The following SPHKAP variants were observed in gnomAD, a reference collection of about 807,000 sequenced individuals.
SPHKAP encodes SPHK1 interactor, AKAP domain containing, also known as A-kinase anchor protein SPHKAP.
SPHKAP carries 67 observed loss-of-function variants against 137.5 expected under a neutral mutation model. That is an observed-to-expected ratio of 0.49 (90% CI 0.40 to 0.60). The LOEUF is 0.60. Among genes scored for constraint, SPHKAP ranks in the 20% least tolerant of loss-of-function variants. The pLI is 0.00. For synonymous variants in SPHKAP, 813 were observed against 785.3 expected (o/e 1.04, Z -0.59); for missense variants, 2,097 against 2,069.3 (o/e 1.01, Z -0.26).
chr2:227,983,554 A>C lies in SPHKAP; in HGVS notation c.4960-1694T>G, dbSNP rs1574705050. ...CGTGCCTGCACATAGTAGGTGCTCC[A>C]TGCATATTTGCTGAATGACAGAAGG... is the stretch of plus-strand genomic sequence containing the variant. On this transcript the variant is annotated intron_variant, in intron 11 of 11. Transcript: ENST00000392056. 2.0e-5 allele frequency among the ~76,000 whole-genome samples: 3 copies of C among 152,312 alleles called. No individual in the cohort carries two copies. In the South Asian group the frequency reaches 6.2e-4, roughly 32 times the overall value.
At chr2:227,996,082 T>C (rs1168088591) in intron 7 of SPHKAP, 1 of 983,084 alleles carries the variant, frequency 1.0e-6, no homozygotes, top group Non-Finnish European at 1.2e-6. Flanking sequence ...TCTGCATTTT[T>C]ATCAATCACT....
chr2:228,041,909 C>T (rs887563428), intron 3 of SPHKAP, among the ~76,000 whole-genome samples: 3 of 151,950 alleles, frequency 2.0e-5, no homozygotes, highest in Admixed American at 1.3e-4. Context: ...TGTGAATTGT[C>T]AGGTGAGTCT....
chr2:228,180,788 T>C (rs945441255), intron 1 of SPHKAP, among the ~76,000 whole-genome samples: 7 of 152,148 alleles, frequency 4.6e-5, no homozygotes, highest in Admixed American at 2.6e-4. Context: ...CATAAAAATC[T>C]CAGGTTCTTA....
intron 3 of SPHKAP, among the ~76,000 whole-genome samples, chr2:228,077,495 C>T (rs539113632): frequency 2.6e-5 from 4 of 152,312 alleles, no homozygotes; most frequent in South Asian, 4.1e-4. Flanking sequence ...CAAAGGAGAC[C>T]ATATTGGAAC....
chr2:227,995,730 GCACACA>G (rs34458152), intron 7 of SPHKAP, 36 bp from the exon 8 acceptor site: 14 of 1,455,082 alleles, frequency 9.6e-6, no homozygotes, highest in Non-Finnish European at 1.0e-5. Context: ...AAGAGAGGCA[GCACACA>G]CACACACACA....
rs1303075216 is a variant in SPHKAP, at chr2:228,019,383, G to A, written c.1471C>T (p.Gln491Ter). 1 of 1,614,088 alleles carries A rather than the reference G, an allele frequency of 6.2e-7. No individual in the cohort carries two copies. The highest frequency in any genetic ancestry group is 1.3e-5 in the African/African-American group (1 of 74,950). Reference protein sequence around the residue: ...SILSGENSSRQPQSALEVALA... With the variant: ...SILSGENSSR ...GCCACTTCTAGAGCACTCTGGGGTT[G>A]TCTGCTGGAGTTCTCTCCAGAGAGG... Residue 491 changes from glutamine (Q) to a stop codon, truncating the protein, a stop_gained, in exon 7 of 12, where the codon CAA becomes TAA. Transcript: ENST00000392056. LOFTEE classifies it high-confidence loss of function.
chr2:228,065,941 G>T (rs2106294035), intron 3 of SPHKAP, among the ~76,000 whole-genome samples: 1 of 152,254 alleles, frequency 6.6e-6, no homozygotes, highest in Admixed American at 6.5e-5. Context: ...ATGGTACTAG[G>T]TAATGATGGT....
At chr2:228,100,882 C>A (rs1052915253) in intron 3 of SPHKAP, among the ~76,000 whole-genome samples, 22 of 151,958 alleles carry the variant, frequency 1.4e-4, no homozygotes, top group African/African-American at 5.3e-4. Flanking sequence ...GGAAGGAGTC[C>A]CTACTCCTTT....
At chr2:228,005,596 T>C (rs575650165) in intron 7 of SPHKAP, among the ~76,000 whole-genome samples, 25 of 152,320 alleles carry the variant, frequency 1.6e-4, no homozygotes, top group Admixed American at 5.9e-4. Flanking sequence ...GTCTTTATGA[T>C]GTTAGCTGGT....
chr2:228,048,961 A>G (rs1314695456), intron 3 of SPHKAP, among the ~76,000 whole-genome samples: 2 of 152,128 alleles, frequency 1.3e-5, no homozygotes, highest in Admixed American at 6.6e-5. Flanking sequence ...TCCTGTCTAT[A>G]AGCAACACGC....
chr2:228,068,511 T>C (rs1696902310), intron 3 of SPHKAP, among the ~76,000 whole-genome samples: 1 of 152,174 alleles, frequency 6.6e-6, no homozygotes. Context: ...CAAAATAGCA[T>C]GATCGTGGCC....
chr2:228,063,394 G>A (rs1228636026), intron 3 of SPHKAP, among the ~76,000 whole-genome samples: 2 of 152,164 alleles, frequency 1.3e-5, no homozygotes, highest in Admixed American at 1.3e-4. Context: ...AGGGTGAATA[G>A]TTTACTGTAG....
intron 2 of SPHKAP, among the ~76,000 whole-genome samples, chr2:228,117,639 A>G (rs544469234): frequency 6.6e-6 from 1 of 152,262 alleles, no homozygotes; most frequent in East Asian, 1.9e-4. Flanking sequence ...GAGATACCAC[A>G]TTCCTACAGA....
chr2:228,001,382 T>C (rs1693868531), intron 7 of SPHKAP, among the ~76,000 whole-genome samples: 1 of 143,286 alleles, frequency 7.0e-6, no homozygotes, highest in Non-Finnish European at 1.5e-5. Context: ...TAAATATATA[T>C]ACACATATAT....
chr2:228,062,857 A>T (rs1301836484), intron 3 of SPHKAP, among the ~76,000 whole-genome samples: 1 of 152,246 alleles, frequency 6.6e-6, no homozygotes, highest in Non-Finnish European at 1.5e-5. Flanking sequence ...TTTGTTTTGT[A>T]TGTGAGTAAA....
intron 1 of SPHKAP, among the ~76,000 whole-genome samples, chr2:228,133,322 T>C (rs1322216916): frequency 2.1e-5 from 1 of 46,950 alleles, no homozygotes; most frequent in Non-Finnish European, 5.5e-5. Context: ...AATAAATAAA[T>C]AAATAAATAA....
intron 3 of SPHKAP, among the ~76,000 whole-genome samples, chr2:228,032,256 G>A (rs1438260604): frequency 6.6e-6 from 1 of 152,174 alleles, no homozygotes; most frequent in Non-Finnish European, 1.5e-5. Flanking sequence ...AGGAGCTGAT[G>A]CGATCAACTG....
chr2:228,113,388 G>A (rs905731012), intron 2 of SPHKAP, among the ~76,000 whole-genome samples: 28 of 152,164 alleles, frequency 1.8e-4, no homozygotes, highest in African/African-American at 6.7e-4. Flanking sequence ...AACAGTGCCT[G>A]GTGCATCCTA....
chr2:228,025,306 T>A, intron 5 of SPHKAP, 88 bp downstream of exon 5: 2 of 1,307,964 alleles, frequency 1.5e-6, no homozygotes, highest in Non-Finnish European at 2.1e-6. Flanking sequence ...CAGAAGCTTA[T>A]GTGTAGCATC....
Sources: gnomAD v4.1 joint callset for allele counts (sites outside exome capture counted in the v4.1 genomes callset) on GRCh38, gnomAD v4.1.1 for gene constraint, MANE v1.5 for transcripts, NCBI Gene and HGNC (gene_info 2026-07-23, HGNC 2026-07-21) for gene names.